Variants in COQ5 observed in about 807,000 individuals in gnomAD.
COQ5 encodes 2-methoxy-6-polyprenyl-1,4-benzoquinol methylase, mitochondrial.
In COQ5, 27 loss-of-function variants were observed where a neutral mutation model predicts 40.5. That is an observed-to-expected ratio of 0.67 (90% CI 0.49 to 0.92). COQ5 has a LOEUF of 0.92. COQ5 is among the 40% of genes least tolerant of loss of function. The pLI is 0.00. For missense variants in COQ5, 409 were observed against 406.4 expected (o/e 1.01, Z -0.06); for synonymous variants, 141 against 150.0 (o/e 0.94, Z 0.44).
Position 120,504,801 on chromosome 12 carries a change from T to C in COQ5, c.770+94A>G. On this transcript the variant is annotated intron_variant, in intron 5 of 6. Coordinates refer to ENST00000288532, the MANE Select transcript of COQ5 (RefSeq NM_032314.4). Reference sequence around the variant, plus strand: ...ACCTCTGGTACTCTGAACTACAAAGTTCATGCTTATAGCTTACTGGCTATT... The same window carrying C: ...ACCTCTGGTACTCTGAACTACAAAGCTCATGCTTATAGCTTACTGGCTATT... The C allele has an allele frequency of 2.8e-6, 3 of 1,075,554 alleles. No homozygotes were observed. The East Asian group carries it at 7.2e-5, about 26-fold the overall frequency. The allele number at this position is 1,075,554 out of a possible 1,614,324, so 66.6% of individuals were successfully genotyped here.
At chr12:120,507,580 G>A (rs1868938355) in intron 4 of COQ5, among the ~76,000 whole-genome samples, 2 of 144,764 alleles carry the variant, frequency 1.4e-5, no homozygotes, top group African/African-American at 2.5e-5. Context: ...CACCACGCCC[G>A]GCCTCTATTC....
intron 3 of COQ5, among the ~76,000 whole-genome samples, chr12:120,512,778 C>G (rs1869193804): frequency 6.6e-6 from 1 of 152,064 alleles, no homozygotes; most frequent in South Asian, 2.1e-4. Context: ...CTTTTCCAGG[C>G]CAGGTGCGAT....
At chr12:120,521,063 CG>C (rs1275509873) in intron 2 of COQ5, among the ~76,000 whole-genome samples, 6 of 139,236 alleles carry the variant, frequency 4.3e-5, no homozygotes, top group Non-Finnish European at 7.6e-5. Context: ...TGTAATCCTG[CG>C]TTTTTTTTTT....
intron 1 of COQ5, 108 bp downstream of exon 1, chr12:120,528,832 A>C: frequency 9.5e-7 from 1 of 1,057,372 alleles, no homozygotes; most frequent in African/African-American, 1.6e-5. Flanking sequence ...ATAACTGCAC[A>C]GACAACAACA....
Position 120,529,120 on chromosome 12 carries a change from C to G in COQ5, c.22G>C (p.Ala8Pro). 6.2e-7 allele frequency: 1 copy of G among 1,613,932 alleles called. No homozygotes were observed. The highest frequency in any genetic ancestry group is 8.5e-7 in the Non-Finnish European group (1 of 1,179,906). The change falls in exon 1 of 7, where the codon GCT becomes CCT. Residue 8 changes from alanine to proline, a missense_variant. Transcript: ENST00000288532. ...CCACGGCCGCAATAGCTCCATAGAG[C>G]ACAGCTCCCGGGGGCCGCCATCTTG... MAAPGSC[A>P]LWSYCGRGWS...
At chr12:120,522,492 G>T in intron 1 of COQ5, 129 bp from the exon 2 acceptor site, 1 of 832,966 alleles carries the variant, frequency 1.2e-6, no homozygotes, top group Non-Finnish European at 2.1e-6. Context: ...AAGTCGTAAT[G>T]CTTGATGCCC....
chr12:120,520,974 G>A (rs1869619429), intron 2 of COQ5, among the ~76,000 whole-genome samples: 1 of 151,908 alleles, frequency 6.6e-6, no homozygotes, highest in South Asian at 2.1e-4. Context: ...AGAAGAAAAG[G>A]GGGTTAAAGG....
chr12:120,518,579 T>C lies in COQ5; in HGVS notation c.353-1791A>G, dbSNP rs559824549. ...TTTATTTTATATCTTTTTTTTTTTT[T>C]CCCTGAGACGGAGGCTCGCTCTATT... On this transcript the variant is annotated intron_variant, in intron 2 of 6. Coordinates refer to ENST00000288532, the MANE Select transcript of COQ5 (RefSeq NM_032314.4). 3.3e-3 allele frequency among the ~76,000 whole-genome samples: 503 copies of C among 151,578 alleles called. 13 individuals are homozygous for C. The highest frequency in any genetic ancestry group is 8.0e-4 in the Non-Finnish European group (54 of 67,846).
At chr12:120,509,928 A>C (rs1869051207) in intron 4 of COQ5, 89 bp downstream of exon 4, 2 of 1,100,254 alleles carry the variant, frequency 1.8e-6, no homozygotes, top group South Asian at 2.5e-5. Flanking sequence ...TCAAAAAACA[A>C]AACTCTCCTT....
chr12:120,509,499 T>C (rs188906129), intron 4 of COQ5, among the ~76,000 whole-genome samples: 56 of 152,354 alleles, frequency 3.7e-4, no homozygotes, highest in Non-Finnish European at 3.8e-4. Context: ...GACATGTCTC[T>C]GATTTTCTGC....
At chr12:120,523,716 T>C (rs1869785228) in intron 1 of COQ5, among the ~76,000 whole-genome samples, 1 of 152,004 alleles carries the variant, frequency 6.6e-6, no homozygotes. Flanking sequence ...CAAGATCCAT[T>C]AGAAGTATGC....
Position 120,522,281 on chromosome 12 carries a change from C to G in COQ5, c.285G>C (p.Lys95Asn), listed in dbSNP as rs1430346769. 1 of 1,613,992 alleles carries G rather than the reference C, an allele frequency of 6.2e-7. No individual in the cohort carries two copies. The highest frequency in any genetic ancestry group is 1.3e-5 in the African/African-American group (1 of 74,926). ...GGTGCATCTTCCAGAGCAGCAAATC[C>G]TTCCAAACACGATGGATACCAAGAC... The part of the protein sequence containing the change: ...MMSLGIHRVW[K>N]DLLLWKMHPL... Residue 95 changes from lysine to asparagine, a missense_variant, in exon 2 of 7, where the codon AAG becomes AAC. Coordinates refer to ENST00000288532, the MANE Select transcript of COQ5 (RefSeq NM_032314.4).
chr12:120,525,823 G>C (rs1447026618), intron 1 of COQ5, among the ~76,000 whole-genome samples: 2 of 152,136 alleles, frequency 1.3e-5, no homozygotes, highest in African/African-American at 4.8e-5. Context: ...TACTCGGGAG[G>C]CTGAGGCAGG....
chr12:120,524,161 G>A (rs1471573583), intron 1 of COQ5, among the ~76,000 whole-genome samples: 1 of 152,162 alleles, frequency 6.6e-6, no homozygotes, highest in Non-Finnish European at 1.5e-5. Context: ...GGGCTCTCAT[G>A]AGTCTTCTCC....
chr12:120,518,635 G>A (rs969529189), intron 2 of COQ5, among the ~76,000 whole-genome samples: 2 of 151,390 alleles, frequency 1.3e-5, no homozygotes, highest in Non-Finnish European at 2.9e-5. Context: ...CACGATCTCA[G>A]CTCACTGCAA....
At chr12:120,511,613 A>G (rs1214076125) in intron 3 of COQ5, among the ~76,000 whole-genome samples, 1 of 152,076 alleles carries the variant, frequency 6.6e-6, no homozygotes, top group Non-Finnish European at 1.5e-5. Flanking sequence ...CAGCAAGACC[A>G]TATCTCGAAA....
chr12:120,508,569 ATTAG>A (rs950341993), intron 4 of COQ5, among the ~76,000 whole-genome samples: 2 of 152,206 alleles, frequency 1.3e-5, no homozygotes, highest in Non-Finnish European at 2.9e-5. Flanking sequence ...TCAATTGGTT[ATTAG>A]TTATGTGAAT....
chr12:120,525,887 C>T (rs571354392), intron 1 of COQ5, among the ~76,000 whole-genome samples: 66 of 151,624 alleles, frequency 4.4e-4, no homozygotes, highest in East Asian at 1.7e-3. Flanking sequence ...ATCGTGCCAC[C>T]GCACTCCAGC....
In COQ5 at chr12:120,521,226, T is replaced by A. The variant is rs567387134; in HGVS notation, c.352+988A>T. ...GGATTACAGGCACCAGCTACCACAC[T>A]GGCTTTTTTTTTGTATTTTTAGTAG... On this transcript the variant is annotated intron_variant, in intron 2 of 6. Transcript: ENST00000288532. Among the ~76,000 whole-genome samples, 249 of 151,766 alleles carry A rather than the reference T, an allele frequency of 1.6e-3. 3 individuals carry two copies. The highest frequency in any genetic ancestry group is 5.8e-3 in the African/African-American group (239 of 41,422).
Sources: gnomAD v4.1 joint callset for allele counts (sites outside exome capture counted in the v4.1 genomes callset) on GRCh38, gnomAD v4.1.1 for gene constraint, MANE v1.5 for transcripts, NCBI Gene and HGNC (gene_info 2026-07-23, HGNC 2026-07-21) for gene names.